Variants in LSAMP observed in about 807,000 individuals in gnomAD.
LSAMP encodes limbic system-associated membrane protein.
Under a neutral mutation model 38.6 loss-of-function variants are expected in LSAMP, and 7 were observed. That is an observed-to-expected ratio of 0.18 (90% CI 0.10 to 0.34). The LOEUF is 0.34. Ranked by LOEUF, LSAMP falls within the 10% of genes least tolerant of loss-of-function variation. The pLI is 1.00. For synonymous variants in LSAMP, 154 were observed against 166.8 expected, an observed-to-expected ratio of 0.92 and a Z score of 0.59; for missense variants, 313 against 420.0, an observed-to-expected ratio of 0.75 and a Z score of 2.23.
At chr3:116,105,116 T>C (rs1017754343) in intron 1 of LSAMP, among the ~76,000 whole-genome samples, 2 of 151,568 alleles carry the variant, frequency 1.3e-5, no homozygotes, top group Admixed American at 1.3e-4. Flanking sequence ...ATAGTTAGCA[T>C]GATGAAGGCA....
At chr3:116,377,756 G>T (rs1032557123) in intron 1 of LSAMP, among the ~76,000 whole-genome samples, 1 of 151,930 alleles carries the variant, frequency 6.6e-6, no homozygotes. Flanking sequence ...ATCCCATGGA[G>T]CCCTTTATAT....
chr3:116,397,179 T>A (rs1466784553), intron 1 of LSAMP, among the ~76,000 whole-genome samples: 1 of 152,188 alleles, frequency 6.6e-6, no homozygotes, highest in Non-Finnish European at 1.5e-5. Context: ...AACAGTAACC[T>A]ATAAAGCTCT....
rs1559829397 is a variant in LSAMP, at chr3:115,808,767, A to G, written c.*1550T>C. 1 of 152,362 alleles carries G rather than the reference A, an allele frequency of 6.6e-6. No homozygotes were observed. The allele number at this position is 152,362 out of a possible 1,614,324, so 9.4% of individuals were successfully genotyped here. A position where few individuals can be genotyped will look rare whatever the true frequency, so the allele number is the denominator to read the frequency against. On this transcript the variant is annotated 3_prime_UTR_variant, in exon 7 of 7. Coordinates refer to ENST00000490035, the MANE Select transcript of LSAMP (RefSeq NM_002338.5). ...ACATTAACCTAGAACACTGGGAAAA[A>G]CATCTGCAGAGGAGCACAAGGAGTG...
At chr3:115,820,287 T>C (rs1410932555) in intron 6 of LSAMP, among the ~76,000 whole-genome samples, 2 of 152,338 alleles carry the variant, frequency 1.3e-5, no homozygotes, top group East Asian at 3.9e-4. Context: ...TAACTAAATA[T>C]TAATCTTGCT....
chr3:116,320,507 G>T lies in LSAMP; in HGVS notation c.155+124370C>A, dbSNP rs75573775. 1.2e-3 allele frequency among the ~76,000 whole-genome samples: 178 copies of T among 152,168 alleles called. 1 individual carries two copies. In the East Asian group the frequency reaches 0.023, roughly 20 times the overall value. The stretch of plus-strand genomic sequence containing the variant: ...AATTATGTCATTACATGTAACAACC[G>T]CTGTGAGACAGAAGTATTGGATTCT... On this transcript the variant is annotated intron_variant, in intron 1 of 6. Coordinates refer to ENST00000490035, the MANE Select transcript of LSAMP (RefSeq NM_002338.5).
chr3:116,427,287 A>T, intron 1 of LSAMP, among the ~76,000 whole-genome samples: 1 of 151,098 alleles, frequency 6.6e-6, no homozygotes, highest in East Asian at 2.0e-4. Context: ...CGCCCGGCTA[A>T]TTTTTTGTAT....
intron 6 of LSAMP, chr3:115,816,639 A>G: frequency 7.8e-7 from 1 of 1,286,406 alleles, no homozygotes; most frequent in Non-Finnish European, 1.0e-6. Flanking sequence ...GCACGGTGGT[A>G]CCAATTTCTA....
At position 115,871,091 on chromosome 3, in the gene LSAMP, T is replaced by C. The variant is rs111894505; in HGVS notation, c.515-18474A>G. On this transcript the variant is annotated intron_variant, in intron 3 of 6. Coordinates refer to ENST00000490035, the MANE Select transcript of LSAMP (RefSeq NM_002338.5). ...AACTAGAAATTATATTTGCAATAGT[T>C]GAAAAGATTTTCCTCTGAGAATAGT... Among the ~76,000 whole-genome samples the C allele has an allele frequency of 1.8e-3, 274 of 152,264 alleles. 1 individual carries two copies. Among genetic ancestry groups the C allele is most frequent in the African/African-American group, 6.4e-3 (266 of 41,564 alleles).
intron 1 of LSAMP, among the ~76,000 whole-genome samples, chr3:116,168,617 T>C (rs1688800673): frequency 1.3e-5 from 2 of 152,192 alleles, no homozygotes; most frequent in Admixed American, 1.3e-4. Context: ...CACAAATTGA[T>C]TGGAATACCC....
intron 2 of LSAMP, among the ~76,000 whole-genome samples, chr3:116,042,554 C>T (rs1941198833): frequency 6.6e-6 from 1 of 151,982 alleles, no homozygotes; most frequent in Non-Finnish European, 1.5e-5. Context: ...CTCAGCCTCC[C>T]AAGTAGCTGG....
intron 1 of LSAMP, among the ~76,000 whole-genome samples, chr3:116,354,930 A>C (rs2048201655): frequency 6.6e-6 from 1 of 151,670 alleles, no homozygotes; most frequent in Non-Finnish European, 1.5e-5. Flanking sequence ...GACTGAGATG[A>C]ACACAACATG....
intron 1 of LSAMP, among the ~76,000 whole-genome samples, chr3:116,439,869 G>A (rs2107887851): frequency 6.6e-6 from 1 of 152,250 alleles, no homozygotes; most frequent in Admixed American, 6.5e-5. Flanking sequence ...ACTACAGGTG[G>A]GCGCCACCAC....
chr3:115,918,158 A>AT (rs539735329), intron 3 of LSAMP, among the ~76,000 whole-genome samples: 152 of 152,112 alleles, frequency 1.0e-3, no homozygotes, highest in African/African-American at 3.4e-3. Flanking sequence ...AAGGATTTTT[A>AT]TTTTTCCAGT....
intron 1 of LSAMP, among the ~76,000 whole-genome samples, chr3:116,264,269 GTTC>G (rs1336751483): frequency 2.6e-5 from 4 of 152,122 alleles, no homozygotes; most frequent in African/African-American, 9.7e-5. Context: ...CTCTCCCTCT[GTTC>G]TTCTTCCAGA....
At chr3:116,383,278 G>GTGA (rs1313007262) in intron 1 of LSAMP, among the ~76,000 whole-genome samples, 4 of 152,010 alleles carry the variant, frequency 2.6e-5, no homozygotes, top group African/African-American at 9.7e-5. Flanking sequence ...TCTATAGCAG[G>GTGA]TGAGCTCCAT....
chr3:116,089,086 T>C (rs1708058287), intron 1 of LSAMP, among the ~76,000 whole-genome samples: 1 of 152,226 alleles, frequency 6.6e-6, no homozygotes, highest in Non-Finnish European at 1.5e-5. Flanking sequence ...ATTTCATTCA[T>C]GGAAAAGTTA....
At chr3:115,887,923 T>G (rs987799529) in intron 3 of LSAMP, among the ~76,000 whole-genome samples, 1 of 151,838 alleles carries the variant, frequency 6.6e-6, no homozygotes. Context: ...TTAACATATT[T>G]TTACCATTAA....
At position 116,357,645 on chromosome 3, in the gene LSAMP, T is replaced by C. The variant is rs78070974; in HGVS notation, c.155+87232A>G. 4.3e-3 allele frequency among the ~76,000 whole-genome samples: 660 copies of C among 152,322 alleles called. 6 individuals carry two copies. Among genetic ancestry groups the C allele is most frequent in the African/African-American group, 0.015 (624 of 41,582 alleles). On this transcript the variant is annotated intron_variant, in intron 1 of 6. Transcript: ENST00000490035. ...ATACAGAGTACACTCCTCAAAGAGATGATCTAACATGCAAATTGAAAAGTT... is the reference window on the plus strand; with the variant it reads ...ATACAGAGTACACTCCTCAAAGAGACGATCTAACATGCAAATTGAAAAGTT...
intron 2 of LSAMP, among the ~76,000 whole-genome samples, chr3:116,034,097 G>C (rs1468162595): frequency 6.6e-6 from 1 of 152,036 alleles, no homozygotes; most frequent in Non-Finnish European, 1.5e-5. Context: ...AAGCACATGA[G>C]ACAGGTTACA....
Sources: allele counts gnomAD v4.1 joint callset (sites outside exome capture counted in the v4.1 genomes callset), GRCh38; gene constraint gnomAD v4.1.1; transcripts MANE v1.5; gene names NCBI Gene and HGNC (gene_info 2026-07-23, HGNC 2026-07-21).